The following ERC1 variants were observed in gnomAD, a reference collection of about 807,000 sequenced individuals.
The protein encoded by ERC1 is RAB6 interacting protein 2.
ERC1 carries 56 observed loss-of-function variants against 132.0 expected under a neutral mutation model. The ratio of observed to expected loss-of-function variants is 0.42; its 90% confidence interval spans 0.34 to 0.53. ERC1 has a LOEUF of 0.53. ERC1 is among the 20% of genes least tolerant of loss of function. The pLI is 0.03. For missense variants in ERC1, 1,202 were observed against 1,349.9 expected (o/e 0.89, Z 1.72); for synonymous variants, 478 against 476.1 (o/e 1.00, Z -0.05).
chr12:1,071,495 A>G (rs948101680), intron 2 of ERC1, among the ~76,000 whole-genome samples: 10 of 151,964 alleles, frequency 6.6e-5, no homozygotes, highest in African/African-American at 2.4e-4. Flanking sequence ...CATCTTCCCC[A>G]GGAATGTATT....
chr12:1,310,443 A>T (rs894908747), intron 15 of ERC1, among the ~76,000 whole-genome samples: 2 of 152,242 alleles, frequency 1.3e-5, no homozygotes, highest in African/African-American at 4.8e-5. Context: ...TCCTGACCTC[A>T]GGTGATCTGC....
intron 11 of ERC1, among the ~76,000 whole-genome samples, chr12:1,189,631 G>T (rs921093462): frequency 2.0e-5 from 3 of 152,182 alleles, no homozygotes; most frequent in Non-Finnish European, 2.9e-5. Flanking sequence ...ATTCAGAGAT[G>T]TGTTATTTAA....
intron 7 of ERC1, among the ~76,000 whole-genome samples, chr12:1,121,336 T>A (rs1037782667): frequency 7.2e-5 from 11 of 152,196 alleles, no homozygotes; most frequent in Non-Finnish European, 1.3e-4. Context: ...AATTCATCAT[T>A]TCTGACTTCG....
In ERC1 at chr12:1,183,319, G is replaced by A; in HGVS notation, c.2055G>A (p.Leu685=). 1.3e-6 allele frequency: 2 copies of A among 1,578,820 alleles called. No individual in the cohort carries two copies. Among genetic ancestry groups the A allele is most frequent in the Non-Finnish European group, 1.7e-6 (2 of 1,157,070 alleles). ...ATCTGAAAGAGCATGCTTCTTCTCT[G>A]GCATCCTCAGGACTGAAAAAGGACT... ...LLDLKEHASS[L]ASSGLKKDSR... is the part of the protein sequence containing the mutation. Residue 685 remains leucine, a synonymous_variant, in exon 11 of 19, where the codon CTG becomes CTA. Transcript: ENST00000360905.
chr12:1,418,722 CTTTT>C (rs1208740922), intron 17 of ERC1, among the ~76,000 whole-genome samples: 1 of 75,344 alleles, frequency 1.3e-5, no homozygotes, highest in Non-Finnish European at 3.0e-5. Flanking sequence ...TTCTTTCTTT[CTTTT>C]TGGAGACAGG....
In ERC1 at chr12:1,314,371, G is replaced by T. The variant is rs1217133406; in HGVS notation, c.2780+24359G>T. ...AAAGAAGATTAAATTTAAATAAAAA[G>T]TTCCTTTCTAAAAATGTAACATAGT... On this transcript the variant is annotated intron_variant, in intron 15 of 18. Transcript: ENST00000360905. Among the ~76,000 whole-genome samples the T allele has an allele frequency of 3.9e-5, 6 of 152,174 alleles. No homozygotes were observed. The East Asian group carries it at 1.2e-3, about 29-fold the overall frequency.
chr12:1,411,221 G>A (rs1215587295), intron 17 of ERC1, among the ~76,000 whole-genome samples: 1 of 152,100 alleles, frequency 6.6e-6, no homozygotes, highest in African/African-American at 2.4e-5. Flanking sequence ...TTGATCTGAT[G>A]CCCTTGAGGT....
intron 12 of ERC1, among the ~76,000 whole-genome samples, chr12:1,202,745 A>C (rs1300501707): frequency 6.6e-6 from 1 of 152,186 alleles, no homozygotes; most frequent in African/African-American, 2.4e-5. Context: ...TTAATAATTA[A>C]AGTTGCTCTC....
At chr12:1,070,837 C>A (rs1365934855) in intron 2 of ERC1, among the ~76,000 whole-genome samples, 1 of 152,152 alleles carries the variant, frequency 6.6e-6, no homozygotes, top group Non-Finnish European at 1.5e-5. Flanking sequence ...CCACAAAGTT[C>A]CCTTGCATCT....
At chr12:1,133,055 A>G (rs1389532740) in intron 7 of ERC1, among the ~76,000 whole-genome samples, 1 of 151,754 alleles carries the variant, frequency 6.6e-6, no homozygotes, top group African/African-American at 2.4e-5. Context: ...ACGGGATTTC[A>G]CATTGTTGGC....
chr12:1,290,844 T>C (rs983954938), intron 15 of ERC1, among the ~76,000 whole-genome samples: 3 of 152,160 alleles, frequency 2.0e-5, no homozygotes, highest in Non-Finnish European at 2.9e-5. Context: ...GGTTTTTTTC[T>C]CCTTCATAAG....
intron 15 of ERC1, among the ~76,000 whole-genome samples, chr12:1,292,206 A>C (rs1280717168): frequency 1.3e-5 from 2 of 152,118 alleles, no homozygotes; most frequent in East Asian, 3.9e-4. Context: ...TTTTTAATAA[A>C]ATTTTTATTA....
At chr12:1,489,234 C>T (rs1032285832) in intron 18 of ERC1, among the ~76,000 whole-genome samples, 1 of 152,196 alleles carries the variant, frequency 6.6e-6, no homozygotes, top group African/African-American at 2.4e-5. Flanking sequence ...TGTTCTTCTG[C>T]GCTAAGCCTC....
chr12:1,241,753 C>T (rs2075805160), intron 13 of ERC1, among the ~76,000 whole-genome samples: 1 of 151,696 alleles, frequency 6.6e-6, no homozygotes, highest in African/African-American at 2.4e-5. Context: ...TTTAAATCTA[C>T]CTAATCATAT....
chr12:1,385,131 T>C (rs908215659), intron 16 of ERC1, among the ~76,000 whole-genome samples: 8 of 152,366 alleles, frequency 5.3e-5, no homozygotes, highest in Non-Finnish European at 1.0e-4. Context: ...TTCTCAGTCA[T>C]TGGCCTGAAG....
At chr12:1,098,663 G>T (rs1266963915) in intron 3 of ERC1, among the ~76,000 whole-genome samples, 1 of 152,206 alleles carries the variant, frequency 6.6e-6, no homozygotes, top group Non-Finnish European at 1.5e-5. Flanking sequence ...AGGAAATCAA[G>T]AATTTTTTTT....
At chr12:1,272,518 CA>C (rs2154331781) in intron 14 of ERC1, among the ~76,000 whole-genome samples, 1 of 152,342 alleles carries the variant, frequency 6.6e-6, no homozygotes, top group East Asian at 1.9e-4. Flanking sequence ...GAGAATAACA[CA>C]GTCACCTAAT....
chr12:1,158,214 T>C (rs890398924), intron 8 of ERC1, among the ~76,000 whole-genome samples: 4 of 152,210 alleles, frequency 2.6e-5, no homozygotes, highest in African/African-American at 9.6e-5. Context: ...TTTATTTATA[T>C]TACCAATCCC....
chr12:1,449,137 T>A (rs891440990), intron 18 of ERC1, among the ~76,000 whole-genome samples: 2 of 152,248 alleles, frequency 1.3e-5, no homozygotes, highest in African/African-American at 4.8e-5. Flanking sequence ...GGAGTAGGTG[T>A]ATTTACCCAA....
Sources: allele counts gnomAD v4.1 joint callset (sites outside exome capture counted in the v4.1 genomes callset), GRCh38; gene constraint gnomAD v4.1.1; transcripts MANE v1.5; gene names NCBI Gene and HGNC (gene_info 2026-07-23, HGNC 2026-07-21).